The following POLR1B variants were observed in gnomAD, a reference collection of about 807,000 sequenced individuals.
POLR1B encodes the protein DNA-directed RNA polymerase I subunit RPA2.
Under a neutral mutation model 105.8 loss-of-function variants are expected in POLR1B, and 30 were observed. The observed-to-expected ratio is 0.28, with a 90% CI of 0.21 to 0.38. The LOEUF (loss-of-function observed/expected upper bound fraction) is 0.38. Among genes scored for constraint, POLR1B ranks in the 10% least tolerant of loss-of-function variants. The pLI, the probability that POLR1B is intolerant of heterozygous loss-of-function variation, is 1.00. For synonymous variants in POLR1B, 485 were observed against 505.1 expected, an observed-to-expected ratio of 0.96 and a Z score of 0.53; for missense variants, 976 against 1,435.8, an observed-to-expected ratio of 0.68 and a Z score of 5.17.
rs1684947409 is a variant in POLR1B, at chr2:112,578,099, T to A, written c.*2370T>A. 6.6e-6 allele frequency among the ~76,000 whole-genome samples: 1 copy of A among 152,146 alleles called. No homozygotes were observed. The highest frequency in any genetic ancestry group is 1.5e-5 in the Non-Finnish European group (1 of 68,012). On this transcript the variant is annotated 3_prime_UTR_variant, in exon 15 of 15. Coordinates refer to ENST00000263331, the MANE Select transcript of POLR1B (RefSeq NM_019014.6). ...ACTAAAAACATTCCCAAAAAAAATG[T>A]TTTTTAGCTTTTTAACTGTAGATTC...
At position 112,557,947 on chromosome 2, in the gene POLR1B, C is replaced by A; in HGVS notation, c.1196C>A (p.Ala399Asp). 7.2e-7 allele frequency: 1 copy of A among 1,388,806 alleles called. No homozygotes were observed. The highest frequency in any genetic ancestry group is 1.9e-5 in the South Asian group (1 of 52,062). The allele number at this position is 1,388,806 out of a possible 1,614,324, so 86.0% of individuals were successfully genotyped here. Residue 399 changes from alanine to aspartate, a missense_variant, in exon 8 of 15, where the codon GCT (alanine) becomes GAT (aspartate). Ala to Asp is a moderately radical substitution (Grantham distance 126). Around this residue, in one of 12 missense-constraint regions of POLR1B, gnomAD observed 452 missense variants for 616.5 expected, o/e 0.73. Coordinates refer to ENST00000263331, the MANE Select transcript of POLR1B (RefSeq NM_019014.6). Reference sequence around the variant, plus strand: ...GGTTGGTTAGTGTCTATTAAAATAGCTTTTGATAAGAAGGCTCAGAAGACC... The same window carrying A: ...GGTTGGTTAGTGTCTATTAAAATAGATTTTGATAAGAAGGCTCAGAAGACC... ...LEGWLVSIKI[A>D]FDKKAQKTSV...
chr2:112,550,230 G>A (rs1354040572), intron 4 of POLR1B, among the ~76,000 whole-genome samples: 1 of 152,208 alleles, frequency 6.6e-6, no homozygotes, highest in Admixed American at 6.5e-5. Context: ...TCTGGTTCAG[G>A]CCACTGTGGT....
At chr2:112,555,602 T>G (rs1233200304) in intron 7 of POLR1B, among the ~76,000 whole-genome samples, 1 of 150,946 alleles carries the variant, frequency 6.6e-6, no homozygotes, top group African/African-American at 2.4e-5. Flanking sequence ...CAGTGTGCTG[T>G]GATCACGCCA....
intron 1 of POLR1B, among the ~76,000 whole-genome samples, chr2:112,546,147 C>T (rs1558652439): frequency 6.6e-6 from 1 of 151,920 alleles, no homozygotes. Context: ...TTGGTGATGC[C>T]CCTTCCTCAG....
rs1468032231 is a variant in POLR1B at position 112,552,775 on chromosome 2, G to A, written c.1117G>A (p.Glu373Lys). ...CAATCCTGATAGTTTGGTGAACCAG[G>A]AAGTCCTCACACCGGGTCAGCTCTT... ...EDNPDSLVNQ[E>K]VLTPGQLFLM... Residue 373 changes from glutamate to lysine, a missense_variant, in exon 7 of 15, where the codon GAA becomes AAA. Coordinates refer to ENST00000263331, the MANE Select transcript of POLR1B (RefSeq NM_019014.6). 2 of 1,608,048 alleles carry A rather than the reference G, an allele frequency of 1.2e-6. No homozygotes were observed. Among genetic ancestry groups the A allele is most frequent in the African/African-American group, 1.3e-5 (1 of 74,662 alleles).
In POLR1B at chr2:112,579,208, C is replaced by CAAAA. The variant is rs56190123; in HGVS notation, c.*3508_*3511dup. On this transcript the variant is annotated 3_prime_UTR_variant, in exon 15 of 15. Transcript: ENST00000263331. ...GGGCAACAGAGCAAGACTAGAGTCT[C>CAAAA]AAAAAAAAAAAAAAAAAAAAAAAAA... 9.2e-3 allele frequency among the ~76,000 whole-genome samples: 538 copies of CAAAA among 58,676 alleles called. 12 individuals carry two copies. Among genetic ancestry groups the CAAAA allele is most frequent in the African/African-American group, 9.7e-3 (137 of 14,092 alleles). The allele number at this position is 58,676 out of a possible 152,430, so 38.5% of individuals were successfully genotyped here.
upstream of POLR1B, chr2:112,542,083 G>C: frequency 6.5e-7 from 1 of 1,533,836 alleles, no homozygotes; most frequent in Non-Finnish European, 8.7e-7. Flanking sequence ...GTGGGACTGG[G>C]AACAGGTGAA....
rs1684832295 is a variant in POLR1B, at chr2:112,575,735, T to A, written c.*6T>A. 6.2e-7 allele frequency: 1 copy of A among 1,602,512 alleles called. No homozygotes were observed. ...TGAAACTGGATGTTGTTTAACTTGA[T>A]GTTGACCTTTTGGATTAAGAGGACT... On this transcript the variant is annotated 3_prime_UTR_variant, in exon 15 of 15. Coordinates refer to ENST00000263331, the MANE Select transcript of POLR1B (RefSeq NM_019014.6). This position sits in a 1 kb window ranked among gnomAD's most constrained non-coding sequence, Gnocchi z 5.3.
intron 5 of POLR1B, among the ~76,000 whole-genome samples, 179 bp from the exon 6 acceptor site, chr2:112,551,596 T>C (rs1392110479): frequency 6.6e-6 from 1 of 152,176 alleles, no homozygotes; most frequent in East Asian, 1.9e-4. Flanking sequence ...CTGGAGGCAA[T>C]TGTGCTGTCT....
At chr2:112,542,722 G>C in intron 1 of POLR1B, 51 bp downstream of exon 1, 1 of 1,597,722 alleles carries the variant, frequency 6.3e-7, no homozygotes, top group African/African-American at 1.3e-5. Context: ...CAATCCCAGG[G>C]AGGTGGCTGG....
chr2:112,562,464 G>T (rs1238553916), intron 9 of POLR1B, among the ~76,000 whole-genome samples: 2 of 152,038 alleles, frequency 1.3e-5, no homozygotes, highest in African/African-American at 4.8e-5. Flanking sequence ...GATATTGCAG[G>T]TTTGGTTCCA....
intron 3 of POLR1B, among the ~76,000 whole-genome samples, chr2:112,547,895 T>C (rs1683140785): frequency 6.6e-6 from 1 of 152,014 alleles, no homozygotes; most frequent in Admixed American, 6.6e-5. Flanking sequence ...GTCAAAAATG[T>C]CTATTTATCT....
chr2:112,569,044 A>G (rs1440874650), intron 12 of POLR1B, 142 bp downstream of exon 12: 4 of 810,158 alleles, frequency 4.9e-6, no homozygotes, highest in African/African-American at 3.5e-5. Context: ...TTTCTGTGCC[A>G]CAAGCAACCA....
intron 3 of POLR1B, 103 bp downstream of exon 3, chr2:112,547,670 A>G (rs1230770677): frequency 2.3e-6 from 3 of 1,329,384 alleles, no homozygotes; most frequent in East Asian, 2.3e-5. Context: ...CAATTTCTGG[A>G]TAGGTGAAAG....
At chr2:112,549,503 T>C (rs1403116891) in intron 4 of POLR1B, 104 bp downstream of exon 4, 17 of 771,632 alleles carry the variant, frequency 2.2e-5, no homozygotes, top group Non-Finnish European at 2.9e-5. Flanking sequence ...TTGTTTCTTT[T>C]TTTTTTTTTT....
intron 13 of POLR1B, among the ~76,000 whole-genome samples, 179 bp from the exon 14 acceptor site, chr2:112,573,383 G>A (rs917313896): frequency 3.9e-5 from 6 of 152,188 alleles, no homozygotes; most frequent in East Asian, 1.9e-4. Context: ...AATTACAGGC[G>A]TGAGCCACCG....
intron 9 of POLR1B, among the ~76,000 whole-genome samples, chr2:112,563,331 A>C (rs539876563): frequency 1.3e-5 from 2 of 152,266 alleles, no homozygotes; most frequent in South Asian, 4.1e-4. Context: ...CTGGGATTAC[A>C]GGCGTGAGCC....
chr2:112,542,725 G>A (rs2104496161), intron 1 of POLR1B, 54 bp downstream of exon 1: 1 of 1,594,438 alleles, frequency 6.3e-7, no homozygotes, highest in Non-Finnish European at 8.5e-7. Context: ...TCCCAGGGAG[G>A]TGGCTGGGAG....
intron 12 of POLR1B, among the ~76,000 whole-genome samples, chr2:112,570,532 A>ACTACACAC (rs1331123645): frequency 6.6e-6 from 1 of 152,214 alleles, no homozygotes; most frequent in Non-Finnish European, 1.5e-5. Flanking sequence ...GGCAGAGACT[A>ACTACACAC]CTACACACCT....
Sources: allele counts gnomAD v4.1 joint callset (sites outside exome capture counted in the v4.1 genomes callset), GRCh38; gene constraint gnomAD v4.1.1; regional missense constraint gnomAD v4.1.1; non-coding constraint Gnocchi (gnomAD v3.1); transcripts MANE v1.5; gene names NCBI Gene and HGNC (gene_info 2026-07-23, HGNC 2026-07-21).